BMP5: variants seen among roughly 807,000 people sequenced by gnomAD.
BMP5 encodes bone morphogenetic protein 5.
BMP5 carries 23 observed loss-of-function variants against 46.6 expected under a neutral mutation model. The ratio of observed to expected loss-of-function variants is 0.49; its 90% CI spans 0.35 to 0.70. BMP5 has a LOEUF of 0.70. Among genes scored for constraint, BMP5 ranks in the 30% least tolerant of loss-of-function variants. The probability of loss-of-function intolerance (pLI) is 0.00; values close to 1 mark genes in which losing one functional copy is unlikely to be tolerated. For synonymous variants in BMP5, 204 were observed against 191.9 expected (o/e 1.06, Z -0.52); for missense variants, 545 against 565.6 (o/e 0.96, Z 0.37).
intron 3 of BMP5, among the ~76,000 whole-genome samples, chr6:55,790,555 C>A (rs1286691081): frequency 1.3e-5 from 2 of 152,198 alleles, no homozygotes; most frequent in Non-Finnish European, 2.9e-5. Flanking sequence ...TTACAGATCA[C>A]TTGCCTAATA....
intron 2 of BMP5, among the ~76,000 whole-genome samples, chr6:55,815,686 TAAAC>T (rs1425415282): frequency 6.6e-6 from 1 of 152,106 alleles, no homozygotes; most frequent in South Asian, 2.1e-4. Flanking sequence ...AGGTGCAAGA[TAAAC>T]AAACATTTCA....
chr6:55,816,333 A>C (rs529349735), intron 2 of BMP5, among the ~76,000 whole-genome samples: 1 of 152,076 alleles, frequency 6.6e-6, no homozygotes, highest in Non-Finnish European at 1.5e-5. Flanking sequence ...TCCAAGTGTG[A>C]AAACAGACAT....
chr6:55,861,318 G>A (rs1777522090), intron 1 of BMP5, among the ~76,000 whole-genome samples: 1 of 152,232 alleles, frequency 6.6e-6, no homozygotes, highest in Non-Finnish European at 1.5e-5. Context: ...TGGCCTTCTA[G>A]ACCGGCCAGC....
chr6:55,864,406 G>C (rs1440186280), intron 1 of BMP5, among the ~76,000 whole-genome samples: 2 of 152,082 alleles, frequency 1.3e-5, no homozygotes, highest in Non-Finnish European at 2.9e-5. Flanking sequence ...CCTGGGAATG[G>C]ATTAGTTCCC....
chr6:55,790,097 A>G (rs949633835), intron 3 of BMP5, among the ~76,000 whole-genome samples: 4 of 152,158 alleles, frequency 2.6e-5, no homozygotes, highest in Non-Finnish European at 5.9e-5. Flanking sequence ...AAATTTAATA[A>G]TACACATCAC....
chr6:55,774,834 C>T (rs1161834859), intron 3 of BMP5, among the ~76,000 whole-genome samples: 3 of 151,860 alleles, frequency 2.0e-5, no homozygotes, highest in South Asian at 4.1e-4. Context: ...TGCTTTAAGC[C>T]GCAGTTATTA....
chr6:55,789,544 T>C (rs1382556881), intron 3 of BMP5, among the ~76,000 whole-genome samples: 1 of 152,012 alleles, frequency 6.6e-6, no homozygotes, highest in East Asian at 1.9e-4. Context: ...TTATTAGCAA[T>C]GTTAATAAAG....
At chr6:55,772,733 T>C (rs1775076875) in intron 4 of BMP5, 1 of 984,460 alleles carries the variant, frequency 1.0e-6, no homozygotes, top group Non-Finnish European at 1.2e-6. Flanking sequence ...GTTGGAAAAT[T>C]ATTTTAAAAC....
intron 1 of BMP5, among the ~76,000 whole-genome samples, chr6:55,843,551 G>A (rs893239749): frequency 6.6e-6 from 1 of 151,670 alleles, no homozygotes. Context: ...TGCCTTTATC[G>A]CTAAAGAACT....
intron 3 of BMP5, among the ~76,000 whole-genome samples, chr6:55,781,169 T>C (rs572501588): frequency 1.3e-5 from 2 of 152,224 alleles, no homozygotes; most frequent in African/African-American, 4.8e-5. Flanking sequence ...CCCAAAAAGA[T>C]TGGTTAGCAG....
intron 1 of BMP5, among the ~76,000 whole-genome samples, chr6:55,867,398 A>T (rs530295111): frequency 1.3e-5 from 2 of 152,270 alleles, no homozygotes; most frequent in Non-Finnish European, 2.9e-5. Flanking sequence ...CTGCAACAAA[A>T]CAAAACAAAA....
At chr6:55,776,003 A>G (rs1237652527) in intron 3 of BMP5, among the ~76,000 whole-genome samples, 1 of 151,872 alleles carries the variant, frequency 6.6e-6, no homozygotes, top group East Asian at 1.9e-4. Flanking sequence ...AAGTTGTCCA[A>G]TTCCTACAAG....
At chr6:55,811,945 C>T (rs1020991955) in intron 2 of BMP5, among the ~76,000 whole-genome samples, 1 of 152,218 alleles carries the variant, frequency 6.6e-6, no homozygotes, top group Non-Finnish European at 1.5e-5. Flanking sequence ...GGCAGCCCCA[C>T]CACAGTCCCT....
chr6:55,829,179 G>A (rs1776599938), intron 1 of BMP5, among the ~76,000 whole-genome samples: 1 of 151,754 alleles, frequency 6.6e-6, no homozygotes, highest in Non-Finnish European at 1.5e-5. Flanking sequence ...GTTTCCTAAG[G>A]AGTGATTATT....
intron 2 of BMP5, among the ~76,000 whole-genome samples, chr6:55,805,915 T>TA (rs1463879462): frequency 1.3e-5 from 2 of 152,154 alleles, no homozygotes; most frequent in Non-Finnish European, 2.9e-5. Flanking sequence ...TTGATGGGGT[T>TA]ATTTTTTTTT....
At chr6:55,824,222 T>C (rs1776477224) in intron 1 of BMP5, among the ~76,000 whole-genome samples, 1 of 151,928 alleles carries the variant, frequency 6.6e-6, no homozygotes, top group Non-Finnish European at 1.5e-5. Context: ...CAGTATGCTA[T>C]AACCTACTGC....
chr6:55,781,826 G>A (rs376621842), intron 3 of BMP5, among the ~76,000 whole-genome samples: 1 of 151,752 alleles, frequency 6.6e-6, no homozygotes, highest in Non-Finnish European at 1.5e-5. Flanking sequence ...GACCAGGCTG[G>A]TCTCAAACTC....
At chr6:55,867,534 G>A (rs1777677730) in intron 1 of BMP5, among the ~76,000 whole-genome samples, 1 of 152,146 alleles carries the variant, frequency 6.6e-6, no homozygotes, top group African/African-American at 2.4e-5. Flanking sequence ...CAGGCGGGAA[G>A]GGATGAATGG....
At chr6:55,853,342 T>TTCTCTCTC (rs5876469) in intron 1 of BMP5, among the ~76,000 whole-genome samples, 9 of 129,280 alleles carry the variant, frequency 7.0e-5, no homozygotes, top group African/African-American at 2.3e-4. Context: ...CTCCCCCGCT[T>TTCTCTCTC]TCTCTCTCTC....
Sources: gnomAD v4.1 joint callset for allele counts (sites outside exome capture counted in the v4.1 genomes callset) on GRCh38, gnomAD v4.1.1 for gene constraint, MANE v1.5 for transcripts, NCBI Gene and HGNC (gene_info 2026-07-23, HGNC 2026-07-21) for gene names.